Variants in CFH observed in about 807,000 individuals in gnomAD.
CFH encodes H factor 1 (complement).
A neutral mutation model predicts 147.3 loss-of-function variants in CFH; 53 were observed. The ratio of observed to expected loss-of-function variants is 0.36; its 90% CI spans 0.29 to 0.45. The LOEUF is 0.45. Among genes scored for constraint, CFH ranks in the 20% least tolerant of loss-of-function variants. The probability of loss-of-function intolerance (pLI) is 1.00; values close to 1 mark genes in which losing one functional copy is unlikely to be tolerated. For synonymous variants in CFH, 536 were observed against 489.4 expected (o/e 1.10, Z -1.26); for missense variants, 1,380 against 1,498.0 (o/e 0.92, Z 1.30).
At chr1:196,673,294 T>C (rs1466931464) in intron 2 of CFH, 131 bp downstream of exon 2, 2 of 927,200 alleles carry the variant, frequency 2.2e-6, no homozygotes, top group Non-Finnish European at 3.3e-6. Context: ...ATAATCTTTT[T>C]TTTTTGTTTT....
chr1:196,679,640 C>G lies in CFH; in HGVS notation c.637C>G (p.Pro213Ala), dbSNP rs200306092. The G allele has an allele frequency of 2.5e-6, 4 of 1,604,598 alleles. No individual in the cohort carries two copies. The highest frequency in any genetic ancestry group is 3.4e-6 in the Non-Finnish European group (4 of 1,172,906). ...TTATTTAGAAATTTCATGCAAATCC[C>G]CAGATGTTATAAATGGATCTCCTAT... ...PKCVEISCKSPDVINGSPISQ... is the reference protein window; with the variant it reads ...PKCVEISCKSADVINGSPISQ... Residue 213 changes from proline to alanine, a missense_variant, in exon 6 of 22, where the codon CCA becomes GCA. Coordinates refer to ENST00000367429, the MANE Select transcript of CFH (RefSeq NM_000186.4).
chr1:196,714,666 TATAG>T (rs1668817158), intron 10 of CFH, among the ~76,000 whole-genome samples: 6 of 28,354 alleles, frequency 2.1e-4, no homozygotes, highest in South Asian at 2.3e-3. Flanking sequence ...TATATATATA[TATAG>T]AGAGAGAGAG....
chr1:196,745,789 A>G, intron 20 of CFH, 28 bp from the exon 21 acceptor site: 1 of 1,613,970 alleles, frequency 6.2e-7, no homozygotes, highest in South Asian at 1.1e-5. Flanking sequence ...TCTCACAACA[A>G]ATCAAGTGAT....
chr1:196,658,232 A>C (rs898691295), intron 1 of CFH, among the ~76,000 whole-genome samples: 5 of 151,750 alleles, frequency 3.3e-5, no homozygotes, highest in Non-Finnish European at 7.4e-5. Flanking sequence ...CTAAAAAAAA[A>C]CTTGATTTTG....
intron 20 of CFH, 123 bp from the exon 21 acceptor site, chr1:196,745,694 C>T (rs1037329925): frequency 7.2e-7 from 1 of 1,384,420 alleles, no homozygotes; most frequent in Admixed American, 1.7e-5. Context: ...GGACTCATTT[C>T]TTTCACCAGA....
intron 7 of CFH, among the ~76,000 whole-genome samples, 183 bp from the exon 8 acceptor site, chr1:196,689,237 A>G (rs1667940332): frequency 6.6e-6 from 1 of 152,066 alleles, no homozygotes; most frequent in African/African-American, 2.4e-5. Context: ...TTCATTAACA[A>G]AGACCTTCTT....
At chr1:196,741,791 C>T (rs1280561728) in intron 18 of CFH, 84 bp from the exon 19 acceptor site, 4 of 1,243,360 alleles carry the variant, frequency 3.2e-6, no homozygotes, top group Admixed American at 3.5e-5. Flanking sequence ...TTCTATATAT[C>T]GCTATTTTAG....
intron 15 of CFH, among the ~76,000 whole-genome samples, chr1:196,729,955 G>T (rs1398263731): frequency 1.3e-5 from 2 of 151,438 alleles, no homozygotes. Flanking sequence ...CTCCGATCTT[G>T]TGTTTCTTTA....
In CFH at chr1:196,659,297, G is replaced by T. The variant is rs577351827; in HGVS notation, c.58+7122G>T. Reference sequence around the variant, plus strand: ...CACAAGATATACCTAATTATTATTAGAACTCAGTGCAGTGAATCATTACCT... The same window carrying T: ...CACAAGATATACCTAATTATTATTATAACTCAGTGCAGTGAATCATTACCT... On this transcript the variant is annotated intron_variant, in intron 1 of 21. Coordinates refer to ENST00000367429, the MANE Select transcript of CFH (RefSeq NM_000186.4). 7.3e-4 allele frequency among the ~76,000 whole-genome samples: 111 copies of T among 152,306 alleles called. 4 individuals are homozygous for T. In the South Asian group the frequency reaches 0.022, roughly 30 times the overall value.
At chr1:196,730,077 C>T (rs1165552392) in intron 15 of CFH, among the ~76,000 whole-genome samples, 2 of 151,520 alleles carry the variant, frequency 1.3e-5, no homozygotes, top group East Asian at 3.9e-4. Flanking sequence ...CTCTATTTTA[C>T]TTACTTTTAC....
Position 196,728,503 on chromosome 1 carries a change from T to A in CFH, c.2394T>A (p.Asp798Glu), listed in dbSNP as rs765759132. 13 of 1,612,630 alleles carry A rather than the reference T, an allele frequency of 8.1e-6. No homozygotes were observed. In the East Asian group the frequency reaches 2.2e-4, roughly 28 times the overall value. The change falls in exon 15 of 22, where the codon GAT (aspartate) becomes GAA (glutamate). Residue 798 changes from aspartate (D) to glutamate (E), a missense_variant. Transcript: ENST00000367429. The stretch of plus-strand genomic sequence containing the variant: ...CAGTCTGCATAAATGGAAGATGGGA[T>A]CCAGAAGTGAACTGCTCAAGTAAGC... ...IHTVCINGRW[D>E]PEVNCSMAQI...
chr1:196,714,045 A>G (rs989442794), intron 10 of CFH, 128 bp downstream of exon 10: 2 of 788,156 alleles, frequency 2.5e-6, no homozygotes, highest in African/African-American at 3.5e-5. Context: ...GCAGGAACAA[A>G]GCAGACATCA....
intron 4 of CFH, chr1:196,676,880 T>A (rs1026676245): frequency 3.9e-5 from 6 of 152,432 alleles, no homozygotes; most frequent in African/African-American, 1.4e-4. Flanking sequence ...AATGACCTAC[T>A]GAATCAGTAT....
chr1:196,660,959 G>A (rs1666877600), intron 1 of CFH, among the ~76,000 whole-genome samples: 1 of 152,126 alleles, frequency 6.6e-6, no homozygotes, highest in Admixed American at 6.6e-5. Context: ...TGTGTTAATG[G>A]ATTACTTTAC....
In CFH at chr1:196,731,238, G is replaced by A. The variant is rs145637523; in HGVS notation, c.2413+2716G>A. Reference sequence around the variant, plus strand: ...CTTTTAATCTTTTGTGTATCTATTAGATGTTTTGCTTTTGGCTATCCTTAG... The same window carrying A: ...CTTTTAATCTTTTGTGTATCTATTAAATGTTTTGCTTTTGGCTATCCTTAG... On this transcript the variant is annotated intron_variant, in intron 15 of 21. Coordinates refer to ENST00000367429, the MANE Select transcript of CFH (RefSeq NM_000186.4). Among the ~76,000 whole-genome samples, 988 of 151,784 alleles carry A rather than the reference G, an allele frequency of 6.5e-3. 15 individuals are homozygous for A. Among genetic ancestry groups the A allele is most frequent in the African/African-American group, 0.022 (895 of 41,464 alleles).
chr1:196,664,521 G>A (rs1173404574), intron 1 of CFH, among the ~76,000 whole-genome samples: 1 of 152,102 alleles, frequency 6.6e-6, no homozygotes, highest in East Asian at 1.9e-4. Context: ...AACATAAAAG[G>A]AGTCATAGAC....
intron 15 of CFH, among the ~76,000 whole-genome samples, chr1:196,728,731 A>ACG (rs1447364581): frequency 7.2e-6 from 1 of 138,052 alleles, no homozygotes; most frequent in Non-Finnish European, 1.6e-5. Context: ...ACACACACAC[A>ACG]CGCACACACA....
chr1:196,705,166 T>G (rs1405329954), intron 9 of CFH, among the ~76,000 whole-genome samples: 1 of 151,702 alleles, frequency 6.6e-6, no homozygotes, highest in Non-Finnish European at 1.5e-5. Context: ...AGCACAACTA[T>G]GGCAAATTGA....
In CFH at chr1:196,713,802, C is replaced by T. The variant is rs55872061; in HGVS notation, c.1404C>T (p.Ala468=). The T allele has an allele frequency of 7.3e-5, 118 of 1,609,170 alleles. No homozygotes were observed. The East Asian group carries it at 2.6e-3, about 35-fold the overall frequency. The change falls in exon 10 of 22, where the codon GCC becomes GCT. Residue 468 remains alanine, a synonymous_variant. Coordinates refer to ENST00000367429, the MANE Select transcript of CFH (RefSeq NM_000186.4). ...GFISESQYTY[A]LKEKAKYQCK... ...TTTCTGAATCTCAGTATACATATGCCTTAAAAGAAAAAGCGAAATATCAAT... is the reference window on the plus strand; with the variant it reads ...TTTCTGAATCTCAGTATACATATGCTTTAAAAGAAAAAGCGAAATATCAAT...
Sources: gnomAD v4.1 joint callset for allele counts (sites outside exome capture counted in the v4.1 genomes callset) on GRCh38, gnomAD v4.1.1 for gene constraint, MANE v1.5 for transcripts, NCBI Gene and HGNC (gene_info 2026-07-23, HGNC 2026-07-21) for gene names.